Variants in PALS1 observed in about 807,000 individuals in gnomAD.
The protein encoded by PALS1 is protein PALS1.
PALS1 carries 31 observed loss-of-function variants against 78.9 expected under a neutral mutation model. That is an observed-to-expected ratio of 0.39 (90% CI 0.30 to 0.53). PALS1 has a LOEUF of 0.53. Ranked by LOEUF, PALS1 falls within the 20% of genes least tolerant of loss-of-function variation. The pLI is 0.67. For missense variants in PALS1, 704 were observed against 826.5 expected, an observed-to-expected ratio of 0.85 and a Z score of 1.82; for synonymous variants, 276 against 270.9, an observed-to-expected ratio of 1.02 and a Z score of -0.18.
intron 1 of PALS1, among the ~76,000 whole-genome samples, chr14:67,253,863 C>A (rs1021839313): frequency 6.6e-6 from 1 of 150,670 alleles, no homozygotes; most frequent in African/African-American, 2.4e-5. Context: ...AAAAAGACAT[C>A]ATTTCCAGAG....
Position 67,278,998 on chromosome 14 carries a change from C to A in PALS1, c.-153-20C>A. ...ATATTGTAATTCTTACACTTTTTTC[C>A]CCCCCATCTTTCCCCTTAGATTTCC... On this transcript the variant is annotated intron_variant, in intron 2 of 14. Transcript: ENST00000261681. 1.8e-6 allele frequency: 1 copy of A among 563,344 alleles called. No homozygotes were observed. The highest frequency in any genetic ancestry group is 2.9e-6 in the Non-Finnish European group (1 of 349,658). The allele number at this position is 563,344 out of a possible 1,614,324, so 34.9% of individuals were successfully genotyped here.
chr14:67,323,232 C>CGTGTGTGTGTGTGTGTGTGT (rs35018637), intron 13 of PALS1, among the ~76,000 whole-genome samples: 12 of 143,590 alleles, frequency 8.4e-5, no homozygotes, highest in African/African-American at 3.1e-4. Flanking sequence ...CATATATACA[C>CGTGTGTGTGTGTGTGTGTGT]GTGTGTGTGT....
At chr14:67,291,670 C>T (rs2140816177) in intron 3 of PALS1, among the ~76,000 whole-genome samples, 1 of 152,330 alleles carries the variant, frequency 6.6e-6, no homozygotes, top group South Asian at 2.1e-4. Context: ...ACACAATGCA[C>T]ATACATATGC....
chr14:67,291,773 A>G (rs10151464), intron 3 of PALS1, among the ~76,000 whole-genome samples: 23,574 of 152,186 alleles, frequency 0.15, 3,442 homozygotes, highest in East Asian at 0.42. Flanking sequence ...ATAAACCTCA[A>G]CTTCCTTACT....
At chr14:67,264,960 G>C (rs1478520617) in intron 1 of PALS1, among the ~76,000 whole-genome samples, 2 of 152,084 alleles carry the variant, frequency 1.3e-5, no homozygotes, top group Non-Finnish European at 2.9e-5. Flanking sequence ...CATGAGGGCA[G>C]ATGATTTATG....
intron 8 of PALS1, among the ~76,000 whole-genome samples, chr14:67,305,374 G>A (rs2084986639): frequency 6.6e-6 from 1 of 152,076 alleles, no homozygotes; most frequent in East Asian, 1.9e-4. Context: ...TGACTGCCTG[G>A]GCTCAAGCAG....
At chr14:67,331,136 C>G (rs1462140837) in intron 14 of PALS1, among the ~76,000 whole-genome samples, 1 of 152,132 alleles carries the variant, frequency 6.6e-6, no homozygotes, top group Non-Finnish European at 1.5e-5. Context: ...CCTCTGCTTC[C>G]TGGGTTTAAG....
chr14:67,241,898 C>A (rs2083911458), intron 1 of PALS1: 1 of 152,034 alleles, frequency 6.6e-6, no homozygotes, highest in Admixed American at 6.5e-5. Context: ...GCGGGACTCT[C>A]CCGGCCGGGT....
intron 14 of PALS1, among the ~76,000 whole-genome samples, chr14:67,329,116 A>G (rs568908559): frequency 6.6e-6 from 1 of 152,264 alleles, no homozygotes; most frequent in South Asian, 2.1e-4. Flanking sequence ...ATGAGCATGG[A>G]ATGTTCTTCC....
intron 1 of PALS1, among the ~76,000 whole-genome samples, chr14:67,255,212 T>G (rs968425758): frequency 2.0e-5 from 3 of 151,904 alleles, no homozygotes; most frequent in African/African-American, 7.3e-5. Flanking sequence ...TTCAGACACG[T>G]TTTTCAGGGA....
At chr14:67,328,611 G>C (rs1022729841) in intron 14 of PALS1, among the ~76,000 whole-genome samples, 6 of 152,156 alleles carry the variant, frequency 3.9e-5, no homozygotes, top group African/African-American at 1.4e-4. Context: ...CTGGTTTTAG[G>C]TCTAACATTT....
At chr14:67,310,288 G>C (rs990295391) in intron 8 of PALS1, among the ~76,000 whole-genome samples, 2 of 151,932 alleles carry the variant, frequency 1.3e-5, no homozygotes, top group African/African-American at 4.8e-5. Flanking sequence ...GGTTCTTTAG[G>C]GCACTTTGCA....
At chr14:67,301,936 C>G (rs756645371) in intron 5 of PALS1, 36 bp from the exon 6 acceptor site, 14 of 1,569,468 alleles carry the variant, frequency 8.9e-6, no homozygotes, top group Non-Finnish European at 1.2e-5. Flanking sequence ...ATAAATCATG[C>G]TGTTACTTAA....
chr14:67,276,217 TCTC>T (rs776623730), intron 2 of PALS1, among the ~76,000 whole-genome samples: 3 of 152,160 alleles, frequency 2.0e-5, no homozygotes, highest in Non-Finnish European at 2.9e-5. Context: ...CTAAAACTCT[TCTC>T]AGTGTGGCTT....
chr14:67,333,064 A>T lies in PALS1; in HGVS notation c.*108A>T. On this transcript the variant is annotated 3_prime_UTR_variant, in exon 15 of 15. Transcript: ENST00000261681. ...TGAGGATAAGATGGAAGGCAGCAGTATAAGCTGTAGATCTGTTCTTAGATC... is the reference window on the plus strand; with the variant it reads ...TGAGGATAAGATGGAAGGCAGCAGTTTAAGCTGTAGATCTGTTCTTAGATC... 1.0e-6 allele frequency: 1 copy of T among 969,906 alleles called. No homozygotes were observed. The highest frequency in any genetic ancestry group is 1.6e-5 in the South Asian group (1 of 61,302). The allele number at this position is 969,906 out of a possible 1,614,324, so 60.1% of individuals were successfully genotyped here. A position where few individuals can be genotyped will look rare whatever the true frequency, so the allele number is the denominator to read the frequency against.
At chr14:67,300,370 C>T (rs952226483) in intron 4 of PALS1, among the ~76,000 whole-genome samples, 29 of 137,266 alleles carry the variant, frequency 2.1e-4, no homozygotes, top group African/African-American at 8.5e-4. Context: ...TTCCATCATC[C>T]AGGCTGGAAT....
intron 9 of PALS1, 65 bp from the exon 10 acceptor site, chr14:67,316,767 T>TA (rs5809338): frequency 0.074 from 94,094 of 1,268,794 alleles, 7,154 homozygotes; most frequent in East Asian, 0.37. Context: ...CCTTCTTGAT[T>TA]AAAAAAAAAA....
At chr14:67,277,718 A>G (rs1456832726) in intron 2 of PALS1, among the ~76,000 whole-genome samples, 1 of 152,158 alleles carries the variant, frequency 6.6e-6, no homozygotes, top group African/African-American at 2.4e-5. Context: ...AAATATTTTT[A>G]TTTTCTAAAA....
intron 1 of PALS1, among the ~76,000 whole-genome samples, chr14:67,243,489 AT>A (rs55985752): frequency 0.17 from 17,059 of 100,090 alleles, 955 homozygotes; most frequent in East Asian, 0.36. Flanking sequence ...CCAGAATATA[AT>A]TTTTTTTTTT....
Sources: gnomAD v4.1 joint callset for allele counts (sites outside exome capture counted in the v4.1 genomes callset) on GRCh38, gnomAD v4.1.1 for gene constraint, MANE v1.5 for transcripts, NCBI Gene and HGNC (gene_info 2026-07-23, HGNC 2026-07-21) for gene names.